The following GALNTL6 variants were observed in gnomAD, a reference collection of about 807,000 sequenced individuals.
GALNTL6 encodes polypeptide N-acetylgalactosaminyltransferase like 6.
A neutral mutation model predicts 73.7 loss-of-function variants in GALNTL6; 46 were observed. The observed-to-expected ratio is 0.62, with a 90% confidence interval of 0.49 to 0.80. GALNTL6 has a LOEUF of 0.80. GALNTL6 is among the 30% of genes least tolerant of loss of function. The probability of loss-of-function intolerance (pLI) is 0.00; values close to 1 mark genes in which losing one functional copy is unlikely to be tolerated. For synonymous variants in GALNTL6, 259 were observed against 263.7 expected (o/e 0.98, Z 0.17); for missense variants, 604 against 755.0 (o/e 0.80, Z 2.34).
rs561712170 is a variant in GALNTL6 at position 172,072,472 on chromosome 4, C to G, written c.139-157184C>G. ...ATTACAGCTTCAAATAACGCCTCACCTTGAACTACACACGTAAAAGATAAC... is the reference window on the plus strand; with the variant it reads ...ATTACAGCTTCAAATAACGCCTCACGTTGAACTACACACGTAAAAGATAAC... On this transcript the variant is annotated intron_variant, in intron 2 of 12. Transcript: ENST00000506823. 2.6e-5 allele frequency among the ~76,000 whole-genome samples: 4 copies of G among 152,168 alleles called. No homozygotes were observed. The South Asian group carries it at 8.3e-4, about 32-fold the overall frequency.
chr4:172,017,524 G>A (rs1428055927), intron 2 of GALNTL6, among the ~76,000 whole-genome samples: 1 of 152,014 alleles, frequency 6.6e-6, no homozygotes, highest in African/African-American at 2.4e-5. Flanking sequence ...GGAGAACAAG[G>A]TCCCCTTCTC....
chr4:172,729,095 G>A (rs140865224), intron 5 of GALNTL6, among the ~76,000 whole-genome samples: 29 of 151,898 alleles, frequency 1.9e-4, no homozygotes, highest in Non-Finnish European at 2.2e-4. Flanking sequence ...TGAGTTGTTC[G>A]AGCTCCTTAT....
At chr4:172,716,736 G>T (rs932394709) in intron 5 of GALNTL6, among the ~76,000 whole-genome samples, 1 of 152,174 alleles carries the variant, frequency 6.6e-6, no homozygotes, top group Admixed American at 6.6e-5. Flanking sequence ...AATCACAGCA[G>T]AATTTAAAAA....
At chr4:172,428,570 T>C (rs1731311973) in intron 5 of GALNTL6, among the ~76,000 whole-genome samples, 1 of 152,172 alleles carries the variant, frequency 6.6e-6, no homozygotes, top group Non-Finnish European at 1.5e-5. Context: ...CCAAATCTCT[T>C]AGAGGATTAT....
intron 9 of GALNTL6, among the ~76,000 whole-genome samples, chr4:172,936,267 G>A (rs1199801713): frequency 1.3e-5 from 2 of 152,096 alleles, no homozygotes; most frequent in East Asian, 1.9e-4. Context: ...ACTAGGTATC[G>A]ATGGAACGTA....
intron 10 of GALNTL6, among the ~76,000 whole-genome samples, chr4:173,007,509 G>A (rs1488550583): frequency 6.6e-6 from 1 of 152,112 alleles, no homozygotes. Context: ...CTTCAAGCAG[G>A]AAGATATGAT....
At chr4:172,090,486 G>A (rs1732172500) in intron 2 of GALNTL6, among the ~76,000 whole-genome samples, 1 of 152,132 alleles carries the variant, frequency 6.6e-6, no homozygotes, top group African/African-American at 2.4e-5. Context: ...TTTGTCGGCT[G>A]CATAAATGTC....
chr4:172,481,971 G>A (rs551245364), intron 5 of GALNTL6, among the ~76,000 whole-genome samples: 161 of 152,318 alleles, frequency 1.1e-3, no homozygotes, highest in African/African-American at 3.8e-3. Flanking sequence ...GCTGCCAGGA[G>A]CCCACCGCAG....
chr4:172,092,875 C>CTTTTT (rs201817743), intron 2 of GALNTL6, among the ~76,000 whole-genome samples: 26 of 130,330 alleles, frequency 2.0e-4, no homozygotes, highest in Non-Finnish European at 2.6e-4. Context: ...TTTTTCTTTT[C>CTTTTT]TTTTTTTTTT....
At chr4:173,021,453 T>G in intron 11 of GALNTL6, 23 bp from the exon 12 acceptor site, 1 of 1,613,578 alleles carries the variant, frequency 6.2e-7, no homozygotes, top group Non-Finnish European at 8.5e-7. Flanking sequence ...ACTGCAGCTT[T>G]TCTGCTACTG....
chr4:171,841,873 T>C (rs1377852971), intron 2 of GALNTL6, among the ~76,000 whole-genome samples: 1 of 152,032 alleles, frequency 6.6e-6, no homozygotes, highest in East Asian at 1.9e-4. Flanking sequence ...GATTTGGCAT[T>C]ACTGTCAATA....
At chr4:172,316,272 G>A (rs1740538387) in intron 4 of GALNTL6, among the ~76,000 whole-genome samples, 1 of 152,128 alleles carries the variant, frequency 6.6e-6, no homozygotes, top group Admixed American at 6.5e-5. Flanking sequence ...TCTTTGATAT[G>A]AGTTTCATTT....
At chr4:172,663,700 G>A (rs929104799) in intron 5 of GALNTL6, among the ~76,000 whole-genome samples, 2 of 152,044 alleles carry the variant, frequency 1.3e-5, no homozygotes, top group African/African-American at 2.4e-5. Context: ...AGGCTGAGGC[G>A]GGTGGCTCAC....
intron 2 of GALNTL6, among the ~76,000 whole-genome samples, chr4:172,159,407 T>C (rs1734385210): frequency 6.6e-6 from 1 of 152,134 alleles, no homozygotes; most frequent in Admixed American, 6.5e-5. Flanking sequence ...TACAAAGATG[T>C]ATTAGATGTT....
chr4:172,392,996 C>T (rs1444082803), intron 5 of GALNTL6, among the ~76,000 whole-genome samples: 2 of 152,178 alleles, frequency 1.3e-5, no homozygotes, highest in East Asian at 3.9e-4. Flanking sequence ...TAGATTCTCA[C>T]TGGAGCACAA....
intron 2 of GALNTL6, among the ~76,000 whole-genome samples, chr4:172,228,954 A>C (rs986897188): frequency 6.6e-6 from 1 of 152,228 alleles, no homozygotes; most frequent in South Asian, 2.1e-4. Context: ...AATTTCAACT[A>C]TAAGTGTAAA....
At chr4:173,018,522 T>C (rs1459755082) in intron 11 of GALNTL6, among the ~76,000 whole-genome samples, 2 of 152,148 alleles carry the variant, frequency 1.3e-5, no homozygotes, top group Admixed American at 6.5e-5. Flanking sequence ...TCTCACTGTC[T>C]AGGGAGGGAT....
chr4:172,346,501 G>A (rs1369036704), intron 4 of GALNTL6, among the ~76,000 whole-genome samples: 1 of 152,174 alleles, frequency 6.6e-6, no homozygotes, highest in Admixed American at 6.5e-5. Flanking sequence ...GTCCTCTGCA[G>A]GCCACCTTCA....
At chr4:172,627,554 A>C (rs1174582008) in intron 5 of GALNTL6, among the ~76,000 whole-genome samples, 1 of 149,738 alleles carries the variant, frequency 6.7e-6, no homozygotes, top group Non-Finnish European at 1.5e-5. Context: ...TTTTTCGAAT[A>C]GTTTCAGTGG....
Sources: allele counts gnomAD v4.1 joint callset (sites outside exome capture counted in the v4.1 genomes callset), GRCh38; gene constraint gnomAD v4.1.1; transcripts MANE v1.5; gene names NCBI Gene and HGNC (gene_info 2026-07-23, HGNC 2026-07-21).